Variants in EYS observed in about 807,000 individuals in gnomAD.
EYS encodes the protein EGF-like photoreceptor maintenance factor.
EYS carries 250 observed loss-of-function variants against 282.1 expected under a neutral mutation model. The ratio of observed to expected loss-of-function variants is 0.89; its 90% CI spans 0.80 to 0.98. EYS has a LOEUF of 0.98. Ranked by LOEUF, EYS falls within the 50% of genes least tolerant of loss-of-function variation. The pLI, the probability that EYS is intolerant of heterozygous loss-of-function variation, is 0.00. For missense variants in EYS, 4,016 were observed against 3,709.0 expected (o/e 1.08, Z -2.15); for synonymous variants, 1,355 against 1,282.9 (o/e 1.06, Z -1.20).
chr6:65,146,873 C>T (rs1764491380), intron 12 of EYS, among the ~76,000 whole-genome samples: 1 of 151,850 alleles, frequency 6.6e-6, no homozygotes, highest in Non-Finnish European at 1.5e-5. Context: ...GATTCAAAAA[C>T]GTTGTCAAAG....
chr6:64,302,349 T>C (rs2150373224), intron 30 of EYS, among the ~76,000 whole-genome samples: 1 of 152,324 alleles, frequency 6.6e-6, no homozygotes, highest in South Asian at 2.1e-4. Context: ...TAGAGGGTTC[T>C]AGTCCTCTAA....
chr6:64,276,489 A>G (rs1045488185), intron 30 of EYS, among the ~76,000 whole-genome samples: 10 of 152,338 alleles, frequency 6.6e-5, no homozygotes, highest in African/African-American at 2.2e-4. Context: ...TCTAGAATCA[A>G]TGAGGGATAC....
At chr6:64,540,490 T>TC (rs1311090575) in intron 26 of EYS, among the ~76,000 whole-genome samples, 1 of 145,594 alleles carries the variant, frequency 6.9e-6, no homozygotes, top group African/African-American at 2.6e-5. Context: ...TTTTTTTTTT[T>TC]TTTTTTTTTT....
chr6:65,167,886 GTT>G (rs1419128891), intron 12 of EYS, among the ~76,000 whole-genome samples: 1 of 150,828 alleles, frequency 6.6e-6, no homozygotes, highest in Admixed American at 6.6e-5. Flanking sequence ...TTTTAGCTGT[GTT>G]TTTTTGGTGT....
intron 5 of EYS, among the ~76,000 whole-genome samples, chr6:65,443,711 TAC>T (rs1251448053): frequency 5.5e-5 from 3 of 54,644 alleles, no homozygotes; most frequent in Non-Finnish European, 1.3e-4. Context: ...TATGTGCATA[TAC>T]ACATATATAC....
Position 65,317,830 on chromosome 6 carries a change from CTTTCTTTCTTTCTTTCTTTCTTTCTTT to C in EYS, c.1766+17123_1766+17149del, listed in dbSNP as rs1769345804. On this transcript the variant is annotated intron_variant, in intron 11 of 42. Transcript: ENST00000503581. ...CCTTCCTTCCTTCCTTCCTTCCTTTCTTTCTTTCTTTCTTTCTTTCTTTCTTTCTTTCTTTCTTTCTTTCTTTCTTTC... is the reference window on the plus strand; with the variant it reads ...CCTTCCTTCCTTCCTTCCTTCCTTTCCTTTCTTTCTTTCTTTCTTTCTTTC... Among the ~76,000 whole-genome samples the C allele has an allele frequency of 5.0e-3, 392 of 78,602 alleles. 3 individuals carry two copies. Among genetic ancestry groups the C allele is most frequent in the East Asian group, 0.031 (71 of 2,326 alleles). The allele number at this position is 78,602 out of a possible 152,430, so 51.6% of individuals were successfully genotyped here. A position where few individuals can be genotyped will look rare whatever the true frequency, so the allele number is the denominator to read the frequency against.
intron 30 of EYS, among the ~76,000 whole-genome samples, chr6:64,291,675 C>A (rs1768712301): frequency 6.6e-6 from 1 of 151,958 alleles, no homozygotes; most frequent in Non-Finnish European, 1.5e-5. Flanking sequence ...TAACAAAAGT[C>A]TATGAATTTT....
intron 12 of EYS, among the ~76,000 whole-genome samples, chr6:65,059,592 GC>G (rs1019943128): frequency 3.9e-5 from 6 of 151,926 alleles, no homozygotes; most frequent in African/African-American, 1.4e-4. Context: ...TGAACAAGAG[GC>G]TTTTAAAGAT....
In EYS at chr6:64,451,212, C is replaced by A. The variant is rs1297294157; in HGVS notation, c.5645-11860G>T. ...ATCCCACAGAAATACAAACTACCATCAGAGAATACTATAAACACCTCTATG... is the reference window on the plus strand; with the variant it reads ...ATCCCACAGAAATACAAACTACCATAAGAGAATACTATAAACACCTCTATG... On this transcript the variant is annotated intron_variant, in intron 26 of 42. Transcript: ENST00000503581. Among the ~76,000 whole-genome samples the A allele has an allele frequency of 4.6e-5, 7 of 152,164 alleles. No individual in the cohort carries two copies. The East Asian group carries it at 1.3e-3, about 29-fold the overall frequency.
At chr6:64,201,453 T>C (rs1765458169) in intron 31 of EYS, among the ~76,000 whole-genome samples, 1 of 152,138 alleles carries the variant, frequency 6.6e-6, no homozygotes, top group African/African-American at 2.4e-5. Context: ...CTCAAATGAA[T>C]GTTTTATCTT....
chr6:65,225,148 A>T lies in EYS; in HGVS notation c.2023+70715T>A, dbSNP rs534347853. On this transcript the variant is annotated intron_variant, in intron 12 of 42. Coordinates refer to ENST00000503581, the MANE Select transcript of EYS (RefSeq NM_001142800.2). ...AATTATACACCAATATATCTTATGG[A>T]TATAGTTAGAAAACTTTTCAATATA... 2.6e-5 allele frequency among the ~76,000 whole-genome samples: 4 copies of T among 151,956 alleles called. No homozygotes were observed. In the South Asian group the frequency reaches 8.3e-4, roughly 31 times the overall value.
intron 26 of EYS, among the ~76,000 whole-genome samples, chr6:64,451,605 C>T (rs1263543093): frequency 6.6e-6 from 1 of 152,128 alleles, no homozygotes; most frequent in African/African-American, 2.4e-5. Context: ...ATGCAAAAAT[C>T]CTCAATAAAA....
chr6:63,998,403 A>G (rs372630606), intron 34 of EYS, among the ~76,000 whole-genome samples: 1 of 152,248 alleles, frequency 6.6e-6, no homozygotes. Flanking sequence ...GAAATTTCCA[A>G]TTCATTAAGG....
intron 12 of EYS, among the ~76,000 whole-genome samples, chr6:65,214,123 C>A (rs1189079194): frequency 7.9e-6 from 1 of 126,094 alleles, no homozygotes; most frequent in Non-Finnish European, 1.6e-5. Context: ...TGCGCCACTG[C>A]ACTCCAGCCT....
At chr6:63,833,467 A>C (rs1015515582) in intron 36 of EYS, among the ~76,000 whole-genome samples, 3 of 152,194 alleles carry the variant, frequency 2.0e-5, no homozygotes, top group African/African-American at 7.2e-5. Context: ...CAATTGCTTC[A>C]AAGAAAATAA....
At chr6:65,097,095 T>C (rs1308087774) in intron 12 of EYS, among the ~76,000 whole-genome samples, 1 of 151,044 alleles carries the variant, frequency 6.6e-6, no homozygotes, top group African/African-American at 2.4e-5. Flanking sequence ...AAAGCCCATA[T>C]CTGATAAAGG....
chr6:63,960,562 T>C (rs778059854), intron 35 of EYS, among the ~76,000 whole-genome samples: 2 of 152,172 alleles, frequency 1.3e-5, no homozygotes, highest in Non-Finnish European at 2.9e-5. Flanking sequence ...CATTGGGTAC[T>C]ACAGAGAAAT....
chr6:65,291,849 G>C (rs1452703420), intron 12 of EYS, among the ~76,000 whole-genome samples: 6 of 151,624 alleles, frequency 4.0e-5, no homozygotes, highest in African/African-American at 1.2e-4. Flanking sequence ...TAAGCCACTA[G>C]CTGAGTGGTT....
chr6:64,489,274 T>G (rs2150504807), intron 26 of EYS, among the ~76,000 whole-genome samples: 1 of 150,890 alleles, frequency 6.6e-6, no homozygotes, highest in African/African-American at 2.4e-5. Flanking sequence ...CAAAATACTT[T>G]TTGCTAAGTG....
Sources: allele counts gnomAD v4.1 joint callset (sites outside exome capture counted in the v4.1 genomes callset), GRCh38; gene constraint gnomAD v4.1.1; transcripts MANE v1.5; gene names NCBI Gene and HGNC (gene_info 2026-07-23, HGNC 2026-07-21).